The following FBXW7 variants were observed in gnomAD, a reference collection of about 807,000 sequenced individuals.
The protein encoded by FBXW7 is F-box/WD repeat-containing protein 7.
A neutral mutation model predicts 86.3 loss-of-function variants in FBXW7; 11 were observed. The ratio of observed to expected loss-of-function variants is 0.13; its 90% CI spans 0.08 to 0.21. The LOEUF (loss-of-function observed/expected upper bound fraction) is 0.21, where lower values mean the gene tolerates loss of function less well. Among genes scored for constraint, FBXW7 ranks in the 10% least tolerant of loss-of-function variants. The pLI is 1.00. For missense variants in FBXW7, 488 were observed against 847.4 expected, an observed-to-expected ratio of 0.58 and a Z score of 5.27; for synonymous variants, 313 against 297.9, an observed-to-expected ratio of 1.05 and a Z score of -0.52.
chr4:152,515,635 T>C lies in FBXW7; in HGVS notation c.-120+19306A>G, dbSNP rs533019718. On this transcript the variant is annotated intron_variant, in intron 2 of 13. Coordinates refer to ENST00000281708, the MANE Select transcript of FBXW7 (RefSeq NM_001349798.2). The stretch of plus-strand genomic sequence containing the variant: ...TAATTTTAAATGTCCTGTAAAATAC[T>C]ATGATTCAGCATTGAAACAAAAAAG... 9.9e-5 allele frequency among the ~76,000 whole-genome samples: 15 copies of C among 152,276 alleles called. No homozygotes were observed. In the South Asian group the frequency reaches 3.1e-3, roughly 32 times the overall value.
chr4:152,508,987 A>C (rs1246135176), intron 2 of FBXW7, among the ~76,000 whole-genome samples: 1 of 152,220 alleles, frequency 6.6e-6, no homozygotes, highest in African/African-American at 2.4e-5. Flanking sequence ...GCTTAAAATT[A>C]ATTGAATCAT....
intron 4 of FBXW7, among the ~76,000 whole-genome samples, chr4:152,362,794 T>G (rs532726388): frequency 7.4e-6 from 1 of 134,292 alleles, no homozygotes; most frequent in Non-Finnish European, 1.5e-5. Flanking sequence ...ACCACTGTAC[T>G]GCAGCCTGGG....
chr4:152,476,277 G>A (rs1316875869), intron 2 of FBXW7, among the ~76,000 whole-genome samples: 1 of 152,078 alleles, frequency 6.6e-6, no homozygotes, highest in East Asian at 1.9e-4. Flanking sequence ...ATATCCATAC[G>A]CAAAAACAAT....
Position 152,381,208 on chromosome 4 carries a change from A to G in FBXW7, c.501+30095T>C, listed in dbSNP as rs148330300. 1.7e-4 allele frequency among the ~76,000 whole-genome samples: 26 copies of G among 152,240 alleles called. No homozygotes were observed. The East Asian group carries it at 4.4e-3, about 26-fold the overall frequency. On this transcript the variant is annotated intron_variant, in intron 4 of 13. Transcript: ENST00000281708. Reference sequence around the variant, plus strand: ...TTATGAAGGTTAAGTTCCAGCAAATAGAAGATTCTCTTTATTAAGGAGGAA... The same window carrying G: ...TTATGAAGGTTAAGTTCCAGCAAATGGAAGATTCTCTTTATTAAGGAGGAA...
rs577346082 is a variant in FBXW7, at chr4:152,447,858, A to G, written c.-119-35329T>C. Among the ~76,000 whole-genome samples, 3 of 152,342 alleles carry G rather than the reference A, an allele frequency of 2.0e-5. No homozygotes were observed. In the South Asian group the frequency reaches 6.2e-4, roughly 32 times the overall value. On this transcript the variant is annotated intron_variant, in intron 2 of 13. Coordinates refer to ENST00000281708, the MANE Select transcript of FBXW7 (RefSeq NM_001349798.2). ...CTAATGAAATCTACGAATGTGAGGA[A>G]TATTCCACTTCATTTAGATAACACA...
intron 4 of FBXW7, among the ~76,000 whole-genome samples, chr4:152,409,815 T>TATACATAAA (rs1737766038): frequency 3.9e-5 from 6 of 152,138 alleles, no homozygotes; most frequent in South Asian, 2.1e-4. Flanking sequence ...CACACATGTA[T>TATACATAAA]TCCTTCTATG....
chr4:152,434,771 T>C (rs992631389), intron 2 of FBXW7, among the ~76,000 whole-genome samples: 1 of 152,142 alleles, frequency 6.6e-6, no homozygotes, highest in African/African-American at 2.4e-5. Context: ...ATACAACATA[T>C]TGAAATACAA....
chr4:152,367,705 A>G (rs1376887986), intron 4 of FBXW7, among the ~76,000 whole-genome samples: 2 of 152,132 alleles, frequency 1.3e-5, no homozygotes, highest in African/African-American at 2.4e-5. Context: ...ATACACACTG[A>G]TATCTAAATC....
intron 2 of FBXW7, among the ~76,000 whole-genome samples, chr4:152,519,961 T>C (rs1748852489): frequency 6.6e-6 from 1 of 152,252 alleles, no homozygotes; most frequent in Admixed American, 6.5e-5. Context: ...TATGAACTGC[T>C]GTGAGGACTA....
chr4:152,340,593 A>G (rs1730637716), intron 6 of FBXW7, among the ~76,000 whole-genome samples: 1 of 151,308 alleles, frequency 6.6e-6, no homozygotes, highest in South Asian at 2.1e-4. Context: ...AAAAAAAAAA[A>G]AAAAAAGGAT....
At chr4:152,356,209 A>T (rs1174991601) in intron 4 of FBXW7, among the ~76,000 whole-genome samples, 1 of 152,134 alleles carries the variant, frequency 6.6e-6, no homozygotes, top group Non-Finnish European at 1.5e-5. Context: ...AAAGATTCAC[A>T]TCTTACTCAA....
At chr4:152,512,748 G>C (rs966775054) in intron 2 of FBXW7, among the ~76,000 whole-genome samples, 7 of 152,166 alleles carry the variant, frequency 4.6e-5, no homozygotes, top group East Asian at 1.9e-4. Context: ...AGAGGAAATG[G>C]GAAGTGACTC....
chr4:152,394,348 C>T (rs77837038), intron 4 of FBXW7, among the ~76,000 whole-genome samples: 2,397 of 152,142 alleles, frequency 0.016, 74 homozygotes, highest in African/African-American at 0.055. Flanking sequence ...CTCTTCTGAA[C>T]ATTTTCATAT....
At chr4:152,389,686 C>A (rs1287792330) in intron 4 of FBXW7, among the ~76,000 whole-genome samples, 1 of 151,822 alleles carries the variant, frequency 6.6e-6, no homozygotes, top group South Asian at 2.1e-4. Flanking sequence ...GACAGGTACA[C>A]TAAAGGCCCA....
chr4:152,378,610 A>C (rs1734774681), intron 4 of FBXW7, among the ~76,000 whole-genome samples: 1 of 152,234 alleles, frequency 6.6e-6, no homozygotes. Flanking sequence ...CTGAAGAATA[A>C]TTTTAAGAGA....
At chr4:152,405,511 G>C (rs80040297) in intron 4 of FBXW7, among the ~76,000 whole-genome samples, 2,400 of 152,226 alleles carry the variant, frequency 0.016, 74 homozygotes, top group African/African-American at 0.055. Flanking sequence ...TTATCAGTGG[G>C]AAATGGGGCA....
At chr4:152,360,427 C>A (rs943672435) in intron 4 of FBXW7, among the ~76,000 whole-genome samples, 2 of 152,082 alleles carry the variant, frequency 1.3e-5, no homozygotes, top group Admixed American at 6.5e-5. Flanking sequence ...AATGAAAAAA[C>A]AATCCGAAAA....
chr4:152,389,269 A>T (rs1735795806), intron 4 of FBXW7, among the ~76,000 whole-genome samples: 1 of 152,118 alleles, frequency 6.6e-6, no homozygotes, highest in Admixed American at 6.5e-5. Context: ...TTGATCCAGC[A>T]ATCCCACTAC....
At chr4:152,450,577 A>G (rs1214954864) in intron 2 of FBXW7, among the ~76,000 whole-genome samples, 1 of 152,234 alleles carries the variant, frequency 6.6e-6, no homozygotes, top group Non-Finnish European at 1.5e-5. Context: ...AAGCTAGGGA[A>G]GCTAAGAGTA....
Sources: allele counts gnomAD v4.1 joint callset (sites outside exome capture counted in the v4.1 genomes callset), GRCh38; gene constraint gnomAD v4.1.1; transcripts MANE v1.5; gene names NCBI Gene and HGNC (gene_info 2026-07-23, HGNC 2026-07-21).